The following FOXO3 variants were observed in gnomAD, a reference collection of about 807,000 sequenced individuals.
The protein encoded by FOXO3 is forkhead box protein O3.
FOXO3 carries 4 observed loss-of-function variants against 41.9 expected under a neutral mutation model. The ratio of observed to expected loss-of-function variants is 0.10; its 90% CI spans 0.05 to 0.22. The LOEUF is 0.22. Ranked by LOEUF, FOXO3 falls within the 10% of genes least tolerant of loss-of-function variation. The pLI is 1.00. For missense variants in FOXO3, 534 were observed against 906.8 expected, an observed-to-expected ratio of 0.59 and a Z score of 5.28; for synonymous variants, 318 against 389.3, an observed-to-expected ratio of 0.82 and a Z score of 2.16.
intron 1 of FOXO3, among the ~76,000 whole-genome samples, chr6:108,576,289 A>AC (rs1320076089): frequency 1.2e-4 from 19 of 152,298 alleles, no homozygotes; most frequent in Non-Finnish European, 2.5e-4. Context: ...TTTGGGCCAT[A>AC]TTTTAGGTTT....
chr6:108,632,098 T>C (rs942791581), intron 1 of FOXO3, among the ~76,000 whole-genome samples: 1 of 152,212 alleles, frequency 6.6e-6, no homozygotes, highest in African/African-American at 2.4e-5. Flanking sequence ...AGTTGGGTAG[T>C]GCTGTGTGCT....
intron 1 of FOXO3, among the ~76,000 whole-genome samples, chr6:108,661,138 A>C (rs1778837028): frequency 6.6e-6 from 1 of 152,008 alleles, no homozygotes; most frequent in Non-Finnish European, 1.5e-5. Flanking sequence ...GCTACTCGGG[A>C]GGCTGAGGTG....
intron 1 of FOXO3, among the ~76,000 whole-genome samples, chr6:108,596,761 G>A (rs1022245558): frequency 6.6e-6 from 1 of 152,264 alleles, no homozygotes; most frequent in African/African-American, 2.4e-5. Context: ...AATATACACT[G>A]TCACCCTTTA....
At chr6:108,624,414 T>C (rs1301487918) in intron 1 of FOXO3, among the ~76,000 whole-genome samples, 1 of 152,146 alleles carries the variant, frequency 6.6e-6, no homozygotes, top group East Asian at 1.9e-4. Context: ...TATATTTTAA[T>C]ATGTGAAAGG....
At chr6:108,620,386 T>C (rs1777632960) in intron 1 of FOXO3, among the ~76,000 whole-genome samples, 2 of 152,196 alleles carry the variant, frequency 1.3e-5, no homozygotes, top group South Asian at 2.1e-4. Context: ...TAGGAAAATA[T>C]CTGGTGGTAA....
chr6:108,618,940 C>G (rs150623228), intron 1 of FOXO3, among the ~76,000 whole-genome samples: 1 of 152,220 alleles, frequency 6.6e-6, no homozygotes. Context: ...GTTCCCCCTT[C>G]TCTTTGCTGT....
intron 2 of FOXO3, among the ~76,000 whole-genome samples, chr6:108,671,168 G>T (rs1779206348): frequency 6.6e-6 from 1 of 152,178 alleles, no homozygotes; most frequent in South Asian, 2.1e-4. Context: ...TTATCACATG[G>T]TCTATTCCAC....
chr6:108,684,328 T>A lies in FOXO3; in HGVS notation c.*4536T>A, dbSNP rs1387818086. On this transcript the variant is annotated 3_prime_UTR_variant, in exon 3 of 3. Coordinates refer to ENST00000406360, the MANE Select transcript of FOXO3 (RefSeq NM_001455.4). ...TTGGCTTCACATGTTTAACTTTTTT[T>A]AAGAAAAAAGTTGCATGAATGGAAA... 4 of 152,350 alleles carry A rather than the reference T, an allele frequency of 2.6e-5. No individual in the cohort carries two copies. Among genetic ancestry groups the A allele is most frequent in the Non-Finnish European group, 5.9e-5 (4 of 68,028 alleles). 9.4% of individuals were successfully genotyped at this position (152,350 alleles called of 1,614,324 possible).
intron 1 of FOXO3, among the ~76,000 whole-genome samples, chr6:108,661,003 T>TG (rs966998061): frequency 6.6e-6 from 1 of 151,952 alleles, no homozygotes; most frequent in African/African-American, 2.4e-5. Flanking sequence ...GAGCTTGCAG[T>TG]GAGCCGAGAT....
intron 1 of FOXO3, among the ~76,000 whole-genome samples, chr6:108,579,358 C>T (rs943002372): frequency 1.3e-5 from 2 of 152,044 alleles, no homozygotes; most frequent in African/African-American, 4.8e-5. Flanking sequence ...AAGGCAGGTT[C>T]GGTGTTGGAA....
chr6:108,631,954 G>A (rs925959965), intron 1 of FOXO3, among the ~76,000 whole-genome samples: 4 of 152,040 alleles, frequency 2.6e-5, no homozygotes, highest in Admixed American at 1.3e-4. Context: ...TGGGTCAGTT[G>A]TCCTGCAGAA....
intron 1 of FOXO3, among the ~76,000 whole-genome samples, chr6:108,569,897 C>T (rs1274433165): frequency 6.7e-6 from 1 of 149,296 alleles, no homozygotes; most frequent in African/African-American, 2.5e-5. Context: ...ATGTGTTTGG[C>T]AGTTTTCAGT....
intron 1 of FOXO3, among the ~76,000 whole-genome samples, chr6:108,580,956 G>C (rs537199425): frequency 2.2e-4 from 34 of 152,318 alleles, no homozygotes; most frequent in Admixed American, 3.9e-4. Flanking sequence ...ATTCCAGCAA[G>C]GGTGACCCAG....
intron 2 of FOXO3, among the ~76,000 whole-genome samples, chr6:108,672,549 T>C (rs1235806338): frequency 6.6e-6 from 1 of 152,226 alleles, no homozygotes; most frequent in African/African-American, 2.4e-5. Context: ...CGGCTTTGTT[T>C]TTTAATAACC....
intron 1 of FOXO3, among the ~76,000 whole-genome samples, chr6:108,581,445 C>T (rs982281881): frequency 1.5e-4 from 23 of 152,040 alleles, no homozygotes; most frequent in African/African-American, 4.3e-4. Flanking sequence ...TAAGCCGTTA[C>T]AAAATTTCTT....
intron 1 of FOXO3, among the ~76,000 whole-genome samples, chr6:108,604,189 C>T (rs937390036): frequency 6.6e-6 from 1 of 152,034 alleles, no homozygotes; most frequent in African/African-American, 2.4e-5. Context: ...CTTAAATAAT[C>T]AAGATTTTTA....
intron 1 of FOXO3, among the ~76,000 whole-genome samples, chr6:108,589,380 G>A (rs1038911156): frequency 6.6e-5 from 10 of 152,116 alleles, no homozygotes; most frequent in Admixed American, 1.3e-4. Context: ...AGCACAACCC[G>A]AATCTTTGTT....
intron 1 of FOXO3, among the ~76,000 whole-genome samples, chr6:108,616,365 G>A (rs991618067): frequency 6.6e-6 from 1 of 151,858 alleles, no homozygotes; most frequent in East Asian, 1.9e-4. Flanking sequence ...GTTTCACCAT[G>A]TTAGCCAAGA....
intron 1 of FOXO3, among the ~76,000 whole-genome samples, chr6:108,633,032 G>T (rs1246177851): frequency 6.6e-6 from 1 of 151,868 alleles, no homozygotes; most frequent in East Asian, 1.9e-4. Context: ...TTAATTGAGG[G>T]TTCAAAAGCC....
Sources: gnomAD v4.1 joint callset for allele counts (sites outside exome capture counted in the v4.1 genomes callset) on GRCh38, gnomAD v4.1.1 for gene constraint, MANE v1.5 for transcripts, NCBI Gene and HGNC (gene_info 2026-07-23, HGNC 2026-07-21) for gene names.